The following ZNF804A variants were observed in gnomAD, a reference collection of about 807,000 sequenced individuals.
ZNF804A encodes zinc finger protein 804A.
A neutral mutation model predicts 16.5 loss-of-function variants in ZNF804A; 2 were observed. The ratio of observed to expected loss-of-function variants is 0.12; its 90% confidence interval spans 0.05 to 0.38. ZNF804A has a LOEUF of 0.38. ZNF804A is among the 10% of genes least tolerant of loss of function. ZNF804A has a pLI of 0.99. For synonymous variants in ZNF804A, 534 were observed against 489.6 expected, an observed-to-expected ratio of 1.09 and a Z score of -1.20; for missense variants, 1,473 against 1,390.7, an observed-to-expected ratio of 1.06 and a Z score of -0.94.
intron 1 of ZNF804A, among the ~76,000 whole-genome samples, chr2:184,628,360 G>C (rs1691542553): frequency 6.6e-6 from 1 of 151,876 alleles, no homozygotes; most frequent in South Asian, 2.1e-4. Context: ...AAATTTTAAG[G>C]CTGATCTGGT....
chr2:184,853,868 C>CTTTTTTTTTTTTTTT (rs35756065), intron 1 of ZNF804A, among the ~76,000 whole-genome samples: 1 of 138,172 alleles, frequency 7.2e-6, no homozygotes, highest in Non-Finnish European at 1.6e-5. Context: ...AATTTTGTTT[C>CTTTTTTTTTTTTTTT]TTTTTTTTTT....
chr2:184,935,783 T>C lies in ZNF804A; in HGVS notation c.387T>C (p.Cys129=). ...KLAELRKETV[C]APGSGPMFKS... ...CACATGCTTCTGTTTCTCTCTCTAG[T>C]GCTCCTGGAAGTGGCCCCATGTTCA... The change falls in exon 4 of 4, where the codon TGT becomes TGC. Residue 129 remains cysteine, a splice_region_variant and synonymous_variant. Transcript: ENST00000302277. 2 of 1,594,230 alleles carry C rather than the reference T, an allele frequency of 1.3e-6. No individual in the cohort carries two copies. Among genetic ancestry groups the C allele is most frequent in the Non-Finnish European group, 1.7e-6 (2 of 1,171,226 alleles).
intron 2 of ZNF804A, among the ~76,000 whole-genome samples, chr2:184,873,624 C>A (rs1392816180): frequency 6.6e-6 from 1 of 152,028 alleles, no homozygotes; most frequent in African/African-American, 2.4e-5. Context: ...CTGCAACTTA[C>A]AAAACCAAGA....
At chr2:184,801,113 T>C (rs1694719179) in intron 1 of ZNF804A, among the ~76,000 whole-genome samples, 1 of 152,166 alleles carries the variant, frequency 6.6e-6, no homozygotes, top group South Asian at 2.1e-4. Flanking sequence ...ATTCTGTTTG[T>C]TTCAACACGT....
intron 1 of ZNF804A, among the ~76,000 whole-genome samples, chr2:184,845,074 T>G (rs996490664): frequency 2.0e-5 from 3 of 152,068 alleles, no homozygotes; most frequent in African/African-American, 7.2e-5. Context: ...ATTCTTAGCA[T>G]TCCTGTCTCT....
chr2:184,664,770 G>A (rs527470324), intron 1 of ZNF804A, among the ~76,000 whole-genome samples: 18 of 152,186 alleles, frequency 1.2e-4, no homozygotes, highest in African/African-American at 4.3e-4. Context: ...GGCTTGTTAT[G>A]GCAGTGGCTG....
chr2:184,672,073 T>C (rs1315071765), intron 1 of ZNF804A, among the ~76,000 whole-genome samples: 1 of 152,182 alleles, frequency 6.6e-6, no homozygotes, highest in Admixed American at 6.5e-5. Context: ...TGTCAAACTT[T>C]CAAATTATCT....
chr2:184,689,094 C>T (rs1178213006), intron 1 of ZNF804A, among the ~76,000 whole-genome samples: 2 of 152,040 alleles, frequency 1.3e-5, no homozygotes, highest in African/African-American at 4.8e-5. Flanking sequence ...GAATATGACA[C>T]CCACTAGGTT....
At position 184,792,817 on chromosome 2, in the gene ZNF804A, G is replaced by A. The variant is rs1241824919; in HGVS notation, c.112-73552G>A. ...TTAGATACAGGAGGTCCATGTTCAG[G>A]TTTGTTACATGGGAATATTACATGA... On this transcript the variant is annotated intron_variant, in intron 1 of 3. Transcript: ENST00000302277. Among the ~76,000 whole-genome samples, 3 of 151,980 alleles carry A rather than the reference G, an allele frequency of 2.0e-5. No homozygotes were observed. The East Asian group carries it at 5.8e-4, about 29-fold the overall frequency.
chr2:184,885,196 C>G (rs1362915209), intron 2 of ZNF804A, among the ~76,000 whole-genome samples: 3 of 152,114 alleles, frequency 2.0e-5, no homozygotes, highest in Admixed American at 6.5e-5. Context: ...ACGACAGGCT[C>G]TAGCAAGGTT....
chr2:184,730,466 C>T (rs953264274), intron 1 of ZNF804A, among the ~76,000 whole-genome samples: 4 of 152,148 alleles, frequency 2.6e-5, no homozygotes, highest in African/African-American at 9.7e-5. Flanking sequence ...TAATGACAGG[C>T]ATCTGCCACT....
At chr2:184,830,138 A>G (rs1695240562) in intron 1 of ZNF804A, among the ~76,000 whole-genome samples, 1 of 150,666 alleles carries the variant, frequency 6.6e-6, no homozygotes, top group African/African-American at 2.4e-5. Flanking sequence ...ACACACACAC[A>G]CACAAATAAT....
intron 1 of ZNF804A, among the ~76,000 whole-genome samples, chr2:184,811,962 G>A (rs144798012): frequency 9.4e-4 from 143 of 152,202 alleles, no homozygotes; most frequent in African/African-American, 3.3e-3. Context: ...CCCATCACTC[G>A]GGAATCATTC....
chr2:184,795,515 G>C (rs543320240), intron 1 of ZNF804A, among the ~76,000 whole-genome samples: 1 of 151,728 alleles, frequency 6.6e-6, no homozygotes, highest in Admixed American at 6.6e-5. Context: ...CAAGGAACTA[G>C]AGAAAAAAAG....
At chr2:184,706,104 C>T (rs949233083) in intron 1 of ZNF804A, among the ~76,000 whole-genome samples, 39 of 152,190 alleles carry the variant, frequency 2.6e-4, no homozygotes, top group African/African-American at 9.4e-4. Flanking sequence ...CTTCACCAGA[C>T]TTCTTTATCA....
intron 1 of ZNF804A, among the ~76,000 whole-genome samples, chr2:184,677,615 G>A (rs958988995): frequency 4.0e-5 from 6 of 151,874 alleles, no homozygotes; most frequent in Admixed American, 6.6e-5. Flanking sequence ...GGTATTAAAA[G>A]TTCAGAATAT....
intron 2 of ZNF804A, among the ~76,000 whole-genome samples, chr2:184,927,214 C>T (rs1685625718): frequency 6.6e-6 from 1 of 152,228 alleles, no homozygotes; most frequent in South Asian, 2.1e-4. Flanking sequence ...GGGGGCACCC[C>T]AAGCCCAGTA....
chr2:184,729,691 T>C (rs1005619314), intron 1 of ZNF804A, among the ~76,000 whole-genome samples: 1 of 152,130 alleles, frequency 6.6e-6, no homozygotes, highest in Admixed American at 6.6e-5. Flanking sequence ...GTAGAAATCA[T>C]TTTGTTACTG....
intron 1 of ZNF804A, among the ~76,000 whole-genome samples, chr2:184,737,313 G>A (rs1052851414): frequency 3.3e-5 from 5 of 151,686 alleles, no homozygotes; most frequent in African/African-American, 9.7e-5. Flanking sequence ...CACCTGCCCC[G>A]GCCTCCCAAA....
Sources: allele counts gnomAD v4.1 joint callset (sites outside exome capture counted in the v4.1 genomes callset), GRCh38; gene constraint gnomAD v4.1.1; transcripts MANE v1.5; gene names NCBI Gene and HGNC (gene_info 2026-07-23, HGNC 2026-07-21).